KCND3: variants seen among roughly 807,000 people sequenced by gnomAD.
KCND3 encodes A-type voltage-gated potassium channel KCND3.
KCND3 carries 9 observed loss-of-function variants against 51.1 expected under a neutral mutation model. The ratio of observed to expected loss-of-function variants is 0.18; its 90% confidence interval spans 0.11 to 0.31. KCND3 has a LOEUF of 0.31. Ranked by LOEUF, KCND3 falls within the 10% of genes least tolerant of loss-of-function variation. KCND3 has a pLI of 1.00. For missense variants in KCND3, 526 were observed against 903.8 expected (o/e 0.58, Z 5.36); for synonymous variants, 349 against 368.0 (o/e 0.95, Z 0.59).
intron 2 of KCND3, among the ~76,000 whole-genome samples, chr1:111,809,650 CGT>C (rs10591522): frequency 0.094 from 13,992 of 149,278 alleles, 1,010 homozygotes; most frequent in African/African-American, 0.19. Context: ...TCACATTTCC[CGT>C]GTGTGTGTGT....
chr1:111,931,013 G>A (rs1671946126), intron 2 of KCND3, among the ~76,000 whole-genome samples: 1 of 152,358 alleles, frequency 6.6e-6, no homozygotes, highest in East Asian at 1.9e-4. Flanking sequence ...GATGAAGGAA[G>A]CTGATCCACA....
intron 2 of KCND3, among the ~76,000 whole-genome samples, chr1:111,797,458 C>T (rs1665107036): frequency 6.6e-6 from 1 of 152,196 alleles, no homozygotes; most frequent in African/African-American, 2.4e-5. Context: ...ACTCATCAAA[C>T]ATCTGCTGGG....
chr1:111,898,127 A>C (rs1450879027), intron 2 of KCND3, among the ~76,000 whole-genome samples: 1 of 152,198 alleles, frequency 6.6e-6, no homozygotes, highest in Non-Finnish European at 1.5e-5. Flanking sequence ...CCTCAACTGT[A>C]AAACAGGGAC....
At chr1:111,888,269 G>C (rs1669659023) in intron 2 of KCND3, among the ~76,000 whole-genome samples, 1 of 152,242 alleles carries the variant, frequency 6.6e-6, no homozygotes, top group Non-Finnish European at 1.5e-5. Flanking sequence ...TTACAAGAGA[G>C]GGAGAGAAAT....
At chr1:111,801,562 CGG>C (rs1557945206) in intron 2 of KCND3, among the ~76,000 whole-genome samples, 2 of 152,136 alleles carry the variant, frequency 1.3e-5, no homozygotes, top group South Asian at 2.1e-4. Context: ...AAAACGGTAG[CGG>C]TAGTGACCAG....
intron 2 of KCND3, among the ~76,000 whole-genome samples, chr1:111,801,197 G>A (rs1161931045): frequency 2.0e-5 from 3 of 152,238 alleles, no homozygotes; most frequent in East Asian, 1.9e-4. Context: ...CAAAGTGGGC[G>A]TGTAAGGCAG....
intron 2 of KCND3, among the ~76,000 whole-genome samples, chr1:111,805,946 A>C (rs1185380417): frequency 1.3e-5 from 2 of 152,172 alleles, no homozygotes; most frequent in Admixed American, 1.3e-4. Flanking sequence ...GGAAGAGGAG[A>C]GAAAAGAACA....
At chr1:111,966,078 A>G (rs1400316541) in intron 2 of KCND3, among the ~76,000 whole-genome samples, 1 of 151,994 alleles carries the variant, frequency 6.6e-6, no homozygotes, top group Non-Finnish European at 1.5e-5. Flanking sequence ...CCTTGGCACC[A>G]CCCTGCTGCT....
chr1:111,846,418 TCTGCTGCTGCTGCTGCTGCTG>T lies in KCND3; in HGVS notation c.1107-59333_1107-59313del, dbSNP rs55653915. ...TTTCCTCTGTACACCCATGACACTC[TCTGCTGCTGCTGCTGCTGCTG>T]CTGCTGCTGCTGCTGATAAAAGAAT... On this transcript the variant is annotated intron_variant, in intron 2 of 7. Transcript: ENST00000302127. Among the ~76,000 whole-genome samples, 3 of 150,714 alleles carry T rather than the reference TCTGCTGCTGCTGCTGCTGCTG, an allele frequency of 2.0e-5. No homozygotes were observed. The South Asian group carries it at 6.4e-4, about 32-fold the overall frequency.
intron 2 of KCND3, among the ~76,000 whole-genome samples, chr1:111,979,095 A>T (rs1360971784): frequency 6.6e-6 from 1 of 152,188 alleles, no homozygotes; most frequent in Non-Finnish European, 1.5e-5. Flanking sequence ...ATGCATGGGG[A>T]AGGTAAAACA....
At chr1:111,940,608 C>T (rs1348637962) in intron 2 of KCND3, among the ~76,000 whole-genome samples, 1 of 152,172 alleles carries the variant, frequency 6.6e-6, no homozygotes, top group Non-Finnish European at 1.5e-5. Context: ...GTACCAGTAC[C>T]ATGCTGCTTT....
At chr1:111,822,210 T>G (rs1389708386) in intron 2 of KCND3, among the ~76,000 whole-genome samples, 1 of 152,182 alleles carries the variant, frequency 6.6e-6, no homozygotes, top group Non-Finnish European at 1.5e-5. Flanking sequence ...GTAAGCAATT[T>G]TTTAACTGTA....
chr1:111,833,512 G>A (rs1265674170), intron 2 of KCND3, among the ~76,000 whole-genome samples: 3 of 152,196 alleles, frequency 2.0e-5, no homozygotes, highest in African/African-American at 7.2e-5. Flanking sequence ...AGTTTCTTAG[G>A]AATCATGCTC....
At chr1:111,831,242 C>G (rs1411115744) in intron 2 of KCND3, among the ~76,000 whole-genome samples, 1 of 152,110 alleles carries the variant, frequency 6.6e-6, no homozygotes, top group Non-Finnish European at 1.5e-5. Flanking sequence ...TGTACTTTTC[C>G]TGTGATAATG....
intron 2 of KCND3, among the ~76,000 whole-genome samples, chr1:111,878,286 G>A (rs142814690): frequency 1.0e-3 from 153 of 152,298 alleles, no homozygotes; most frequent in African/African-American, 3.2e-3. Context: ...TGTGAAATGC[G>A]CTTCCCTCCT....
intron 2 of KCND3, among the ~76,000 whole-genome samples, chr1:111,964,668 A>C (rs1673869550): frequency 6.6e-6 from 1 of 152,216 alleles, no homozygotes; most frequent in Non-Finnish European, 1.5e-5. Flanking sequence ...TATTTTTGAA[A>C]TTCTAGGTGT....
rs1377734832 is a variant in KCND3 at position 111,780,351 on chromosome 1, G to T, written c.1372-37C>A. 1 of 1,530,702 alleles carries T rather than the reference G, an allele frequency of 6.5e-7. No homozygotes were observed. Among genetic ancestry groups the T allele is most frequent in the Non-Finnish European group, 8.9e-7 (1 of 1,127,686 alleles). 94.8% of individuals were successfully genotyped at this position (1,530,702 alleles called of 1,614,324 possible). A position where few individuals can be genotyped will look rare whatever the true frequency, so the allele number is the denominator to read the frequency against. The stretch of plus-strand genomic sequence containing the variant: ...AGAAGAGAGATTGAGTAAAAAGCTG[G>T]TGGCTCTTCCCCTCTCCAGCTCCTT... On this transcript the variant is annotated intron_variant, in intron 4 of 7. Transcript: ENST00000302127. The surrounding 1 kb of genome is among the most constrained non-coding windows in gnomAD (Gnocchi z 4.2).
At chr1:111,890,338 G>A (rs1317923595) in intron 2 of KCND3, among the ~76,000 whole-genome samples, 2 of 152,120 alleles carry the variant, frequency 1.3e-5, no homozygotes, top group African/African-American at 4.8e-5. Context: ...GTTGGATATG[G>A]GCGTGAGATT....
At chr1:111,907,827 C>A (rs2101806490) in intron 2 of KCND3, among the ~76,000 whole-genome samples, 1 of 152,340 alleles carries the variant, frequency 6.6e-6, no homozygotes, top group South Asian at 2.1e-4. Context: ...GGAAGCAGAG[C>A]CCTGATGAAG....
Sources: allele counts gnomAD v4.1 joint callset (sites outside exome capture counted in the v4.1 genomes callset), GRCh38; gene constraint gnomAD v4.1.1; non-coding constraint Gnocchi (gnomAD v3.1); transcripts MANE v1.5; gene names NCBI Gene and HGNC (gene_info 2026-07-23, HGNC 2026-07-21).